TTC33: variants seen among roughly 807,000 people sequenced by gnomAD.
The protein encoded by TTC33 is tetratricopeptide repeat protein 33.
In TTC33, 24 loss-of-function variants were observed where a neutral mutation model predicts 29.4. The ratio of observed to expected loss-of-function variants is 0.82; its 90% CI spans 0.59 to 1.15. The LOEUF (loss-of-function observed/expected upper bound fraction) is 1.15, where lower values mean the gene tolerates loss of function less well. Among genes scored for constraint, TTC33 ranks in the 50% most tolerant of loss-of-function variants. The pLI, the probability that TTC33 is intolerant of heterozygous loss-of-function variation, is 0.00. For missense variants in TTC33, 286 were observed against 310.4 expected (o/e 0.92, Z 0.59); for synonymous variants, 107 against 100.3 (o/e 1.07, Z -0.40).
intron 1 of TTC33, among the ~76,000 whole-genome samples, chr5:40,747,678 A>G (rs894536532): frequency 2.0e-5 from 3 of 152,234 alleles, no homozygotes; most frequent in African/African-American, 7.2e-5. Context: ...AGGAAAATAA[A>G]GCTGGTTTCT....
intron 1 of TTC33, among the ~76,000 whole-genome samples, chr5:40,749,921 C>G (rs1440342989): frequency 1.3e-5 from 2 of 151,896 alleles, no homozygotes; most frequent in South Asian, 2.1e-4. Flanking sequence ...AACCCCGTCT[C>G]TACTAAAAAT....
intron 1 of TTC33, among the ~76,000 whole-genome samples, chr5:40,752,065 C>T (rs1265899034): frequency 1.3e-5 from 2 of 152,148 alleles, no homozygotes; most frequent in African/African-American, 4.8e-5. Context: ...CTTTACTTTG[C>T]ACTTTCATGT....
At position 40,712,251 on chromosome 5, in the gene TTC33, T is replaced by C. The variant is rs776199598; in HGVS notation, c.*3894A>G. On this transcript the variant is annotated 3_prime_UTR_variant, in exon 5 of 5. Coordinates refer to ENST00000337702, the MANE Select transcript of TTC33 (RefSeq NM_012382.3). ...GCCTTGTAATTAACACTACTCAATT[T>C]CAATAGAATTTCCATTATTTAAAAA... Among the ~76,000 whole-genome samples, 17 of 152,048 alleles carry C rather than the reference T, an allele frequency of 1.1e-4. No homozygotes were observed. The highest frequency in any genetic ancestry group is 1.8e-4 in the Non-Finnish European group (12 of 67,994).
At chr5:40,718,626 T>C (rs1038236356) in intron 4 of TTC33, among the ~76,000 whole-genome samples, 15 of 151,876 alleles carry the variant, frequency 9.9e-5, no homozygotes, top group Admixed American at 9.2e-4. Context: ...ACGTGGTGGC[T>C]ACTCAGGGGG....
At chr5:40,739,562 C>T (rs1742649298) in intron 2 of TTC33, among the ~76,000 whole-genome samples, 1 of 152,044 alleles carries the variant, frequency 6.6e-6, no homozygotes, top group South Asian at 2.1e-4. Context: ...GTGTGTAGCA[C>T]TCCCACTCCC....
At chr5:40,734,124 A>G (rs1742495431) in intron 2 of TTC33, among the ~76,000 whole-genome samples, 3 of 152,194 alleles carry the variant, frequency 2.0e-5, no homozygotes, top group Non-Finnish European at 2.9e-5. Context: ...AATGGTGGGT[A>G]TTTACTTCAC....
chr5:40,736,407 T>A (rs1045046653), intron 2 of TTC33, among the ~76,000 whole-genome samples: 6 of 152,214 alleles, frequency 3.9e-5, no homozygotes, highest in Admixed American at 3.3e-4. Context: ...TAATTTATAT[T>A]CCTGCTTCAT....
At chr5:40,725,506 T>C (rs930593661) in intron 4 of TTC33, among the ~76,000 whole-genome samples, 1 of 152,172 alleles carries the variant, frequency 6.6e-6, no homozygotes, top group Non-Finnish European at 1.5e-5. Context: ...AATTAGTATT[T>C]ATTGCACATT....
At chr5:40,726,462 C>CTT (rs913016790) in intron 4 of TTC33, among the ~76,000 whole-genome samples, 79 of 146,472 alleles carry the variant, frequency 5.4e-4, no homozygotes, top group African/African-American at 1.8e-3. Flanking sequence ...TTTGAGTCAT[C>CTT]TTTTTTTTTT....
intron 2 of TTC33, among the ~76,000 whole-genome samples, chr5:40,733,267 T>A (rs1742476349): frequency 6.6e-6 from 1 of 152,156 alleles, no homozygotes; most frequent in Admixed American, 6.5e-5. Flanking sequence ...AGGAAGGGGC[T>A]GAAGGTCTTT....
chr5:40,723,491 TAAATA>T (rs1198893405), intron 4 of TTC33, among the ~76,000 whole-genome samples: 2 of 143,928 alleles, frequency 1.4e-5, no homozygotes, highest in East Asian at 2.1e-4. Context: ...GTTTAACAAT[TAAATA>T]AAAGCTAACT....
chr5:40,740,997 A>G lies in TTC33; in HGVS notation c.221+5801T>C, dbSNP rs187960764. Reference sequence around the variant, plus strand: ...TGTTTCCCTTTAATTATCTGAATATAGTTGTATTACCATTTTAATCTCTCT... The same window carrying G: ...TGTTTCCCTTTAATTATCTGAATATGGTTGTATTACCATTTTAATCTCTCT... On this transcript the variant is annotated intron_variant, in intron 2 of 4. Coordinates refer to ENST00000337702, the MANE Select transcript of TTC33 (RefSeq NM_012382.3). Among the ~76,000 whole-genome samples the G allele has an allele frequency of 5.0e-3, 756 of 152,210 alleles. 8 individuals are homozygous for G. The highest frequency in any genetic ancestry group is 0.017 in the African/African-American group (714 of 41,516).
rs549829744 is a variant in TTC33, at chr5:40,712,438, T to C, written c.*3707A>G. On this transcript the variant is annotated 3_prime_UTR_variant, in exon 5 of 5. Transcript: ENST00000337702. ...CTGAACCACTTGAGACACAGACAGA[T>C]GGAGATTCAATATTTTAAGTTTACT... is the stretch of plus-strand genomic sequence containing the variant. Among the ~76,000 whole-genome samples, 5 of 152,288 alleles carry C rather than the reference T, an allele frequency of 3.3e-5. No homozygotes were observed. In the East Asian group the frequency reaches 9.6e-4, roughly 29 times the overall value.
At chr5:40,729,673 A>G (rs749217715) in intron 3 of TTC33, among the ~76,000 whole-genome samples, 1 of 152,252 alleles carries the variant, frequency 6.6e-6, no homozygotes, top group South Asian at 2.1e-4. Flanking sequence ...TAAGAGCTCA[A>G]CAGTGACTTT....
intron 3 of TTC33, among the ~76,000 whole-genome samples, chr5:40,729,699 T>G (rs1025658386): frequency 6.6e-5 from 10 of 152,146 alleles, no homozygotes; most frequent in African/African-American, 2.2e-4. Context: ...TATTTTTTAT[T>G]TACTTATTTA....
intron 4 of TTC33, among the ~76,000 whole-genome samples, chr5:40,717,890 G>A (rs1156857367): frequency 4.0e-5 from 6 of 151,832 alleles, no homozygotes; most frequent in South Asian, 2.1e-4. Context: ...GTGAAAACCC[G>A]TCTCTACTAA....
At chr5:40,717,977 G>T (rs375973599) in intron 4 of TTC33, among the ~76,000 whole-genome samples, 2 of 151,834 alleles carry the variant, frequency 1.3e-5, no homozygotes, top group African/African-American at 4.8e-5. Flanking sequence ...CAGGAGAATC[G>T]CTTGAACTCG....
At chr5:40,723,144 G>A (rs538425066) in intron 4 of TTC33, among the ~76,000 whole-genome samples, 11 of 151,714 alleles carry the variant, frequency 7.3e-5, no homozygotes, top group African/African-American at 2.4e-4. Flanking sequence ...CCCCAACCCC[G>A]TGCTCTCTGA....
intron 1 of TTC33, among the ~76,000 whole-genome samples, chr5:40,752,055 C>A (rs935001866): frequency 6.6e-6 from 1 of 152,042 alleles, no homozygotes; most frequent in Non-Finnish European, 1.5e-5. Context: ...GCATTTGCTG[C>A]TTTACTTTGC....
Sources: allele counts gnomAD v4.1 joint callset (sites outside exome capture counted in the v4.1 genomes callset), GRCh38; gene constraint gnomAD v4.1.1; transcripts MANE v1.5; gene names NCBI Gene and HGNC (gene_info 2026-07-23, HGNC 2026-07-21).